The following POMC variants were observed in gnomAD, a reference collection of about 807,000 sequenced individuals.
POMC encodes pro-opiomelanocortin.
POMC carries 19 observed loss-of-function variants against 18.5 expected under a neutral mutation model. That is an observed-to-expected ratio of 1.03 (90% CI 0.72 to 1.51). The LOEUF is 1.51. Among genes scored for constraint, POMC ranks in the 40% most tolerant of loss-of-function variants. The pLI is 0.00. For synonymous variants in POMC, 179 were observed against 161.9 expected, an observed-to-expected ratio of 1.11 and a Z score of -0.80; for missense variants, 451 against 379.0, an observed-to-expected ratio of 1.19 and a Z score of -1.58.
rs1573251480 is a variant in POMC at position 25,161,799 on chromosome 2, C to T, written c.133-47G>A. 4.5e-6 allele frequency: 7 copies of T among 1,538,550 alleles called. No individual in the cohort carries two copies. Among genetic ancestry groups the T allele is most frequent in the Non-Finnish European group, 5.2e-6 (6 of 1,144,160 alleles). On this transcript the variant is annotated intron_variant, in intron 2 of 2. Transcript: ENST00000395826. The surrounding 1 kb of genome is among the most constrained non-coding windows in gnomAD (Gnocchi z 5.7). The stretch of plus-strand genomic sequence containing the variant: ...TGAGGGCAGCCCGTGCCCCGCACCC[C>T]GGCCCGGCTGCCGCGCCCGTCACTG...
rs759295122 is a variant in POMC, at chr2:25,161,758, G to A, written c.133-6C>T. On this transcript the variant is annotated splice_polypyrimidine_tract_variant and splice_region_variant and intron_variant, in intron 2 of 2. Transcript: ENST00000395826. The surrounding 1 kb of genome is among the most constrained non-coding windows in gnomAD (Gnocchi z 5.7). Reference sequence around the variant, plus strand: ...TTGCAGGCCCGGATGCACTCCTGGGGGAAGACGCGAGGGCATGAGGGCAGC... The same window carrying A: ...TTGCAGGCCCGGATGCACTCCTGGGAGAAGACGCGAGGGCATGAGGGCAGC... 2.5e-6 allele frequency: 4 copies of A among 1,588,254 alleles called. No homozygotes were observed. Among genetic ancestry groups the A allele is most frequent in the Non-Finnish European group, 2.6e-6 (3 of 1,168,872 alleles).
chr2:25,167,307 T>C (rs933755886), intron 1 of POMC, among the ~76,000 whole-genome samples: 2 of 152,222 alleles, frequency 1.3e-5, no homozygotes, highest in Non-Finnish European at 2.9e-5. Flanking sequence ...CACACTTTTA[T>C]TTTCCTTGGC....
At chr2:25,166,920 G>A (rs570205932) in intron 1 of POMC, among the ~76,000 whole-genome samples, 1 of 152,150 alleles carries the variant, frequency 6.6e-6, no homozygotes, top group South Asian at 2.1e-4. Context: ...CAAATTATTG[G>A]GGAAATATCA....
chr2:25,161,664 G>T lies in POMC; in HGVS notation c.221C>A (p.Pro74His), dbSNP rs1671387302. The T allele has an allele frequency of 3.2e-6, 5 of 1,561,312 alleles. No individual in the cohort carries two copies. Among genetic ancestry groups the T allele is most frequent in the Non-Finnish European group, 3.5e-6 (4 of 1,153,740 alleles). ...GAAGTGGCCCATGACGTACTTCCGG[G>T]GGTTCTCGGTCAGAGGCTGCTCGTC... ...NGDEQPLTEN[P>H]RKYVMGHFRW... Residue 74 changes from proline to histidine, a missense_variant, in exon 3 of 3, where the codon CCC (proline) becomes CAC (histidine). By Grantham distance (77) the Pro-to-His change is moderately conservative. Transcript: ENST00000395826. The surrounding 1 kb of genome is among the most constrained non-coding windows in gnomAD (Gnocchi z 5.7).
At chr2:25,166,185 G>A (rs927846153) in intron 1 of POMC, among the ~76,000 whole-genome samples, 6 of 152,330 alleles carry the variant, frequency 3.9e-5, no homozygotes, top group African/African-American at 1.4e-4. Context: ...GCTAGCTTCT[G>A]AAGGGTTGCC....
At chr2:25,162,368 T>C (rs546450169) in intron 2 of POMC, among the ~76,000 whole-genome samples, 134 of 152,242 alleles carry the variant, frequency 8.8e-4, no homozygotes, top group Non-Finnish European at 1.5e-3. Context: ...GAGAACCGCT[T>C]GAACCTGGGA....
rs571325084 is a variant in POMC, at chr2:25,167,133, C to T, written c.-21+1365G>A. Among the ~76,000 whole-genome samples, 7 of 152,242 alleles carry T rather than the reference C, an allele frequency of 4.6e-5. No individual in the cohort carries two copies. In the East Asian group the frequency reaches 5.8e-4, roughly 13 times the overall value. On this transcript the variant is annotated intron_variant, in intron 1 of 2. Coordinates refer to ENST00000395826, the MANE Select transcript of POMC (RefSeq NM_000939.4). ...TGTAAAACTGCACGCTGGCCATGACCTTTTGTAAAGATTAGAGGAGCACAG... is the reference window on the plus strand; with the variant it reads ...TGTAAAACTGCACGCTGGCCATGACTTTTTGTAAAGATTAGAGGAGCACAG...
chr2:25,166,572 C>G (rs1287073429), intron 1 of POMC, among the ~76,000 whole-genome samples: 1 of 152,208 alleles, frequency 6.6e-6, no homozygotes, highest in African/African-American at 2.4e-5. Context: ...AATTATATTT[C>G]AATTCTTGTC....
chr2:25,167,075 T>C (rs1671579988), intron 1 of POMC, among the ~76,000 whole-genome samples: 1 of 152,178 alleles, frequency 6.6e-6, no homozygotes, highest in South Asian at 2.1e-4. Flanking sequence ...TGAGGGGCTC[T>C]CTATGAGCTC....
intron 1 of POMC, among the ~76,000 whole-genome samples, chr2:25,165,419 G>A (rs1671520904): frequency 6.6e-6 from 1 of 152,216 alleles, no homozygotes; most frequent in Non-Finnish European, 1.5e-5. Context: ...TTGATGTCCT[G>A]CACACAAATT....
rs901294269 is a variant in POMC at position 25,160,984 on chromosome 2, A to AC, written c.*96dup. 1.4e-5 allele frequency: 22 copies of AC among 1,565,054 alleles called. No individual in the cohort carries two copies. The Middle Eastern group carries it at 5.4e-4, about 38-fold the overall frequency. On this transcript the variant is annotated 3_prime_UTR_variant, in exon 3 of 3. Transcript: ENST00000395826. ...TTTAAGAGGCTGATTATCTGCCACGACCCCCCAGGCTGGGAGGCGGCAGCA... is the reference window on the plus strand; with the variant it reads ...TTTAAGAGGCTGATTATCTGCCACGACCCCCCCAGGCTGGGAGGCGGCAGCA...
At chr2:25,164,865 C>A (rs1354607575) in intron 1 of POMC, 73 bp from the exon 2 acceptor site, 22 of 1,522,462 alleles carry the variant, frequency 1.4e-5, no homozygotes, top group Admixed American at 1.7e-5. Context: ...CAGGAAGGAC[C>A]TTGAGCCAAC....
At chr2:25,165,242 T>TG in intron 1 of POMC, among the ~76,000 whole-genome samples, 1 of 152,302 alleles carries the variant, frequency 6.6e-6, no homozygotes, top group South Asian at 2.1e-4. Flanking sequence ...GAAAGTAACT[T>TG]GGGAAAAACG....
intron 1 of POMC, among the ~76,000 whole-genome samples, chr2:25,165,861 A>G (rs1443963493): frequency 1.3e-5 from 2 of 152,140 alleles, no homozygotes; most frequent in Admixed American, 1.3e-4. Flanking sequence ...CTCACCGCCA[A>G]CCCTACAATC....
intron 2 of POMC, among the ~76,000 whole-genome samples, chr2:25,164,017 C>T (rs564476684): frequency 1.3e-5 from 2 of 152,228 alleles, no homozygotes; most frequent in South Asian, 2.1e-4. Context: ...CAGATACATA[C>T]ACCCTGTGGT....
intron 1 of POMC, among the ~76,000 whole-genome samples, chr2:25,166,850 T>C (rs780288881): frequency 6.6e-6 from 1 of 152,380 alleles, no homozygotes; most frequent in African/African-American, 2.4e-5. Flanking sequence ...TATTTGCTTA[T>C]GTGTATTTTC....
At chr2:25,167,876 G>A (rs1467284803) in intron 1 of POMC, among the ~76,000 whole-genome samples, 1 of 152,164 alleles carries the variant, frequency 6.6e-6, no homozygotes, top group Admixed American at 6.5e-5. Context: ...CGGGCTGGCC[G>A]GGGGCGGTGG....
intron 1 of POMC, among the ~76,000 whole-genome samples, chr2:25,167,882 G>A (rs1162841821): frequency 6.6e-6 from 1 of 152,268 alleles, no homozygotes; most frequent in Non-Finnish European, 1.5e-5. Flanking sequence ...GGCCGGGGGC[G>A]GTGGCTCGCG....
rs1258929523 is a variant in POMC at position 25,168,549 on chromosome 2, G to C, written c.-72C>G. 1 of 152,334 alleles carries C rather than the reference G, an allele frequency of 6.6e-6. No individual in the cohort carries two copies. The highest frequency in any genetic ancestry group is 1.5e-5 in the Non-Finnish European group (1 of 68,144). The allele number at this position is 152,334 out of a possible 1,614,324, so 9.4% of individuals were successfully genotyped here. On this transcript the variant is annotated 5_prime_UTR_variant, in exon 1 of 3. Transcript: ENST00000395826. This position sits in a 1 kb window ranked among gnomAD's most constrained non-coding sequence, Gnocchi z 5.2. The stretch of plus-strand genomic sequence containing the variant: ...GCGGGGACGCTCGGCGGCCTCTCTC[G>C]GTCGCGGCTCTTCTTCCCCTCCTTC...
Sources: allele counts gnomAD v4.1 joint callset (sites outside exome capture counted in the v4.1 genomes callset), GRCh38; gene constraint gnomAD v4.1.1; non-coding constraint Gnocchi (gnomAD v3.1); transcripts MANE v1.5; gene names NCBI Gene and HGNC (gene_info 2026-07-23, HGNC 2026-07-21).